The following STPG2 variants were observed in gnomAD, a reference collection of about 807,000 sequenced individuals.
The protein encoded by STPG2 is sperm-tail PG-rich repeat-containing protein 2.
A neutral mutation model predicts 54.2 loss-of-function variants in STPG2; 56 were observed. The ratio of observed to expected loss-of-function variants is 1.03; its 90% CI spans 0.83 to 1.29. STPG2 has a LOEUF of 1.29. Among genes scored for constraint, STPG2 ranks in the 50% most tolerant of loss-of-function variants. The pLI is 0.00. For synonymous variants in STPG2, 200 were observed against 181.8 expected, an observed-to-expected ratio of 1.10 and a Z score of -0.81; for missense variants, 596 against 544.9, an observed-to-expected ratio of 1.09 and a Z score of -0.93.
intron 4 of STPG2, among the ~76,000 whole-genome samples, chr4:97,513,659 A>C (rs1308198010): frequency 6.6e-6 from 1 of 152,148 alleles, no homozygotes; most frequent in Non-Finnish European, 1.5e-5. Flanking sequence ...ATCATATCTC[A>C]AAGCCTTTTA....
chr4:97,783,873 A>T (rs1225095278), intron 9 of STPG2, among the ~76,000 whole-genome samples: 8 of 151,872 alleles, frequency 5.3e-5, no homozygotes, highest in Admixed American at 5.2e-4. Context: ...AACAATGCGA[A>T]CACTTGGACA....
intron 5 of STPG2, among the ~76,000 whole-genome samples, chr4:98,014,998 T>G (rs1007737694): frequency 3.9e-5 from 6 of 152,324 alleles, no homozygotes; most frequent in African/African-American, 1.4e-4. Flanking sequence ...TTCCCTAGTA[T>G]GCAATCAGTT....
At chr4:97,790,461 C>A (rs571512389) in intron 9 of STPG2, among the ~76,000 whole-genome samples, 2 of 152,080 alleles carry the variant, frequency 1.3e-5, no homozygotes, top group African/African-American at 4.8e-5. Flanking sequence ...GTCTGCAGGT[C>A]TTTGTTCCTT....
chr4:98,087,749 A>G (rs2110123043), intron 5 of STPG2, among the ~76,000 whole-genome samples: 1 of 151,916 alleles, frequency 6.6e-6, no homozygotes, highest in South Asian at 2.1e-4. Flanking sequence ...TTTAGTAGAG[A>G]CGGGGTTTCA....
Position 97,886,554 on chromosome 4 carries a change from T to C in STPG2, c.1045-45622A>G, listed in dbSNP as rs868793670. 2.0e-4 allele frequency among the ~76,000 whole-genome samples: 31 copies of C among 152,294 alleles called. No homozygotes were observed. The Middle Eastern group carries it at 0.01, about 50-fold the overall frequency. ...GAATGGAGATATATCCACATATGAC[T>C]AAATGGAAACCTGTAAACGTATGTT... On this transcript the variant is annotated intron_variant, in intron 8 of 10. Coordinates refer to ENST00000295268, the MANE Select transcript of STPG2 (RefSeq NM_174952.3).
intron 4 of STPG2, among the ~76,000 whole-genome samples, chr4:97,447,818 C>A (rs1243714746): frequency 6.6e-6 from 1 of 152,154 alleles, no homozygotes; most frequent in Admixed American, 6.5e-5. Flanking sequence ...AGGGTTGGAG[C>A]CCCCTCACAG....
At chr4:97,999,288 T>C (rs753390344) in intron 5 of STPG2, among the ~76,000 whole-genome samples, 1 of 152,224 alleles carries the variant, frequency 6.6e-6, no homozygotes, top group Non-Finnish European at 1.5e-5. Context: ...GGACAGATAG[T>C]ATTGGTTTCT....
intron 10 of STPG2, among the ~76,000 whole-genome samples, chr4:97,666,811 G>T (rs954519752): frequency 6.6e-6 from 1 of 152,166 alleles, no homozygotes; most frequent in African/African-American, 2.4e-5. Flanking sequence ...TATTATTAGA[G>T]CTGGGATTCT....
At chr4:97,685,739 C>T (rs1415780900) in intron 10 of STPG2, among the ~76,000 whole-genome samples, 1 of 152,082 alleles carries the variant, frequency 6.6e-6, no homozygotes, top group African/African-American at 2.4e-5. Context: ...TCAGTTGTAA[C>T]AAAACTATCA....
chr4:97,822,950 C>T (rs1236982610), intron 9 of STPG2, among the ~76,000 whole-genome samples: 12 of 152,158 alleles, frequency 7.9e-5, no homozygotes, highest in Non-Finnish European at 1.6e-4. Context: ...CAGAGAAAGA[C>T]CCTAATTATC....
intron 9 of STPG2, among the ~76,000 whole-genome samples, chr4:97,834,281 T>G (rs1036913847): frequency 6.6e-6 from 1 of 152,076 alleles, no homozygotes; most frequent in African/African-American, 2.4e-5. Context: ...CACCACATGT[T>G]CTCACTCATA....
chr4:97,609,509 TA>T (rs1733682201), intron 10 of STPG2, among the ~76,000 whole-genome samples: 2 of 151,886 alleles, frequency 1.3e-5, no homozygotes, highest in African/African-American at 4.8e-5. Flanking sequence ...TCCATTAAGG[TA>T]AGTATCATCA....
chr4:97,446,022 T>C (rs1578304171), intron 4 of STPG2, among the ~76,000 whole-genome samples: 1 of 152,200 alleles, frequency 6.6e-6, no homozygotes, highest in Non-Finnish European at 1.5e-5. Context: ...GTGTAACCCA[T>C]AGTTCAATAT....
chr4:97,655,873 T>C (rs1722206034), intron 10 of STPG2, among the ~76,000 whole-genome samples: 1 of 152,132 alleles, frequency 6.6e-6, no homozygotes, highest in African/African-American at 2.4e-5. Flanking sequence ...GACCAAGTAG[T>C]GATACAAAGC....
chr4:97,917,889 G>C (rs1376580660), intron 8 of STPG2, among the ~76,000 whole-genome samples: 1 of 151,948 alleles, frequency 6.6e-6, no homozygotes, highest in Non-Finnish European at 1.5e-5. Flanking sequence ...CCACCGTTGA[G>C]GTAGGACACT....
At chr4:97,444,822 G>A (rs1392180507) in intron 4 of STPG2, among the ~76,000 whole-genome samples, 1 of 152,158 alleles carries the variant, frequency 6.6e-6, no homozygotes, top group African/African-American at 2.4e-5. Context: ...GAGGTCAGGA[G>A]ATCGAGACCA....
At chr4:97,529,345 G>A (rs1041632300) in intron 4 of STPG2, among the ~76,000 whole-genome samples, 1 of 152,168 alleles carries the variant, frequency 6.6e-6, no homozygotes, top group African/African-American at 2.4e-5. Context: ...TTTAATCATG[G>A]TGGATAAGCT....
Position 97,597,940 on chromosome 4 carries a change from C to A in STPG2, c.1321-38823G>T, listed in dbSNP as rs1314701799. Among the ~76,000 whole-genome samples, 9 of 152,122 alleles carry A rather than the reference C, an allele frequency of 5.9e-5. No individual in the cohort carries two copies. The East Asian group carries it at 1.7e-3, about 29-fold the overall frequency. On this transcript the variant is annotated intron_variant, in intron 10 of 10. Coordinates refer to ENST00000295268, the MANE Select transcript of STPG2 (RefSeq NM_174952.3). ...TCCAAAGAGAAGAGAGGAAATCAAACTATCTCTGGTTGCAGATGATATGAT... is the reference window on the plus strand; with the variant it reads ...TCCAAAGAGAAGAGAGGAAATCAAAATATCTCTGGTTGCAGATGATATGAT...
intron 8 of STPG2, among the ~76,000 whole-genome samples, chr4:97,894,795 C>T (rs117197887): frequency 1.3e-5 from 2 of 151,972 alleles, no homozygotes; most frequent in East Asian, 3.9e-4. Context: ...AGACTGGGGT[C>T]TCAACAATAG....
Sources: gnomAD v4.1 joint callset for allele counts (sites outside exome capture counted in the v4.1 genomes callset) on GRCh38, gnomAD v4.1.1 for gene constraint, MANE v1.5 for transcripts, NCBI Gene and HGNC (gene_info 2026-07-23, HGNC 2026-07-21) for gene names.